MYT1L: variants seen among roughly 807,000 people sequenced by gnomAD.
MYT1L encodes myelin transcription factor 1 like.
MYT1L carries 12 observed loss-of-function variants against 126.7 expected under a neutral mutation model. The ratio of observed to expected loss-of-function variants is 0.09; its 90% CI spans 0.06 to 0.15. The LOEUF is 0.15. Ranked by LOEUF, MYT1L falls within the 10% of genes least tolerant of loss-of-function variation. The pLI is 1.00. For synonymous variants in MYT1L, 541 were observed against 604.2 expected (o/e 0.90, Z 1.53); for missense variants, 979 against 1,585.2 (o/e 0.62, Z 6.49).
chr2:2,240,493 T>C (rs1264802996), intron 2 of MYT1L, among the ~76,000 whole-genome samples: 1 of 152,206 alleles, frequency 6.6e-6, no homozygotes, highest in Non-Finnish European at 1.5e-5. Flanking sequence ...ATTTGGATCA[T>C]TATCTACTCT....
intron 4 of MYT1L, among the ~76,000 whole-genome samples, chr2:2,025,321 C>T (rs890793595): frequency 6.6e-6 from 1 of 152,190 alleles, no homozygotes; most frequent in African/African-American, 2.4e-5. Flanking sequence ...ACATAGCCTC[C>T]TGGTCTGGGG....
At chr2:1,959,069 G>A (rs980898523) in intron 8 of MYT1L, among the ~76,000 whole-genome samples, 1 of 152,166 alleles carries the variant, frequency 6.6e-6, no homozygotes, top group Non-Finnish European at 1.5e-5. Context: ...CAGCGTCTTG[G>A]TGTTTGATAA....
intron 2 of MYT1L, among the ~76,000 whole-genome samples, chr2:2,193,909 A>C (rs936923463): frequency 2.0e-5 from 3 of 152,196 alleles, no homozygotes; most frequent in Non-Finnish European, 2.9e-5. Flanking sequence ...GTTAGGATTT[A>C]AAATAAAATA....
chr2:1,922,164 C>CT lies in MYT1L; in HGVS notation c.1483+121dup. ...ACAAAATATCCTTCTGGAATCAACT[C>CT]TAAGAATGTGCAGTAGAGACATAAT... On this transcript the variant is annotated intron_variant, in intron 10 of 24. Transcript: ENST00000647738. The surrounding 1 kb of genome is among the most constrained non-coding windows in gnomAD (Gnocchi z 7.4). The CT allele has an allele frequency of 7.8e-7, 1 of 1,289,198 alleles. No homozygotes were observed. Among genetic ancestry groups the CT allele is most frequent in the Non-Finnish European group, 1.1e-6 (1 of 949,052 alleles). 79.9% of individuals were successfully genotyped at this position (1,289,198 alleles called of 1,614,324 possible).
intron 4 of MYT1L, among the ~76,000 whole-genome samples, chr2:1,999,495 A>C (rs1462054458): frequency 6.6e-6 from 1 of 152,202 alleles, no homozygotes; most frequent in Admixed American, 6.5e-5. Context: ...AAAATAATTT[A>C]TTTTGGGTGT....
chr2:2,186,797 G>C (rs1029883174), intron 2 of MYT1L, among the ~76,000 whole-genome samples: 3 of 152,240 alleles, frequency 2.0e-5, no homozygotes, highest in African/African-American at 7.2e-5. Flanking sequence ...CGAAAATATT[G>C]TAAACTTTGC....
intron 9 of MYT1L, among the ~76,000 whole-genome samples, chr2:1,925,986 G>A (rs1390649340): frequency 6.6e-6 from 1 of 152,198 alleles, no homozygotes; most frequent in Admixed American, 6.5e-5. Flanking sequence ...CTGCTGGGGA[G>A]AGCAGCCCGT....
chr2:1,865,877 A>G (rs1456069266), intron 18 of MYT1L, among the ~76,000 whole-genome samples: 1 of 152,214 alleles, frequency 6.6e-6, no homozygotes, highest in African/African-American at 2.4e-5. Context: ...TGTTCCCATC[A>G]GTCCCCTGAG....
At chr2:2,174,125 T>A (rs1559226809) in intron 2 of MYT1L, among the ~76,000 whole-genome samples, 1 of 152,090 alleles carries the variant, frequency 6.6e-6, no homozygotes, top group Non-Finnish European at 1.5e-5. Context: ...CCCTGAAAAA[T>A]CAAGGTTCAA....
chr2:2,198,480 C>G (rs1035017012), intron 2 of MYT1L, among the ~76,000 whole-genome samples: 4 of 152,156 alleles, frequency 2.6e-5, no homozygotes, highest in Non-Finnish European at 5.9e-5. Flanking sequence ...GTAACTTCCT[C>G]AATTCCATCA....
chr2:2,242,803 T>A (rs1026456109), intron 2 of MYT1L, among the ~76,000 whole-genome samples: 2 of 152,200 alleles, frequency 1.3e-5, no homozygotes, highest in African/African-American at 4.8e-5. Flanking sequence ...CTAAGGAGAA[T>A]TTATGGCAGA....
chr2:2,304,722 A>T (rs1026141401), intron 1 of MYT1L, among the ~76,000 whole-genome samples: 2 of 152,238 alleles, frequency 1.3e-5, no homozygotes, highest in African/African-American at 4.8e-5. Context: ...AAAACTTTAC[A>T]AAAACAGCAA....
intron 4 of MYT1L, among the ~76,000 whole-genome samples, chr2:2,030,243 G>A (rs1235582185): frequency 3.3e-5 from 5 of 152,160 alleles, no homozygotes; most frequent in Non-Finnish European, 2.9e-5. Flanking sequence ...GACTACAGGC[G>A]TATGCTACCA....
At chr2:2,113,743 A>T (rs900790474) in intron 3 of MYT1L, among the ~76,000 whole-genome samples, 6 of 151,730 alleles carry the variant, frequency 4.0e-5, no homozygotes, top group Non-Finnish European at 8.8e-5. Context: ...GATAGGAAAA[A>T]AGTTATGAAA....
intron 2 of MYT1L, among the ~76,000 whole-genome samples, chr2:2,270,992 T>C (rs1018262440): frequency 5.9e-5 from 9 of 152,228 alleles, no homozygotes; most frequent in Non-Finnish European, 1.2e-4. Flanking sequence ...AGGATGTGGT[T>C]GCGTGTTCTT....
chr2:1,848,137 C>T lies in MYT1L; in HGVS notation c.2774+3504G>A, dbSNP rs770070609. ...GGAGATGGTGGAGGACAGCTCCTCA[C>T]CCAGTTTCCCAGAATGGGCCCAGGA... is the stretch of plus-strand genomic sequence containing the variant. On this transcript the variant is annotated intron_variant, in intron 19 of 24. Coordinates refer to ENST00000647738, the MANE Select transcript of MYT1L (RefSeq NM_001303052.2). The surrounding 1 kb of genome is among the most constrained non-coding windows in gnomAD (Gnocchi z 4.8). Among the ~76,000 whole-genome samples the T allele has an allele frequency of 6.6e-6, 1 of 152,204 alleles. No homozygotes were observed. The highest frequency in any genetic ancestry group is 2.4e-5 in the African/African-American group (1 of 41,452).
intron 4 of MYT1L, among the ~76,000 whole-genome samples, chr2:2,043,905 T>C (rs945657011): frequency 4.6e-5 from 7 of 152,176 alleles, no homozygotes; most frequent in Non-Finnish European, 7.4e-5. Context: ...GATGGAGAAT[T>C]TGATGGATTA....
At chr2:1,944,039 C>G (rs1454473040) in intron 8 of MYT1L, among the ~76,000 whole-genome samples, 3 of 152,170 alleles carry the variant, frequency 2.0e-5, no homozygotes, top group African/African-American at 7.2e-5. Context: ...TTGGCCCAGG[C>G]TTGGATGAGA....
intron 4 of MYT1L, among the ~76,000 whole-genome samples, chr2:2,020,109 T>G (rs1484602253): frequency 2.0e-5 from 3 of 152,156 alleles, no homozygotes; most frequent in Non-Finnish European, 4.4e-5. Context: ...CCTCCCAAAG[T>G]GCTGAGATTA....
Sources: allele counts gnomAD v4.1 joint callset (sites outside exome capture counted in the v4.1 genomes callset), GRCh38; gene constraint gnomAD v4.1.1; non-coding constraint Gnocchi (gnomAD v3.1); transcripts MANE v1.5; gene names NCBI Gene and HGNC (gene_info 2026-07-23, HGNC 2026-07-21).